The following TECRL variants were observed in gnomAD, a reference collection of about 807,000 sequenced individuals.
TECRL encodes the protein trans-2,3-enoyl-CoA reductase-like.
TECRL carries 63 observed loss-of-function variants against 52.8 expected under a neutral mutation model. That is an observed-to-expected ratio of 1.19 (90% confidence interval 0.97 to 1.47). The LOEUF (loss-of-function observed/expected upper bound fraction) is 1.47, where lower values mean the gene tolerates loss of function less well. Among genes scored for constraint, TECRL ranks in the 40% most tolerant of loss-of-function variants. TECRL has a pLI of 0.00. For missense variants in TECRL, 482 were observed against 429.6 expected (o/e 1.12, Z -1.08); for synonymous variants, 164 against 141.9 (o/e 1.16, Z -1.10).
chr4:64,356,351 T>C (rs985509982), intron 2 of TECRL, among the ~76,000 whole-genome samples: 3 of 151,944 alleles, frequency 2.0e-5, no homozygotes, highest in Non-Finnish European at 2.9e-5. Flanking sequence ...GCAGTTGAGA[T>C]AGAGGAAGGC....
Position 64,344,131 on chromosome 4 carries a change from T to C in TECRL, c.287-15575A>G, listed in dbSNP as rs904025490. Among the ~76,000 whole-genome samples, 7 of 151,912 alleles carry C rather than the reference T, an allele frequency of 4.6e-5. No individual in the cohort carries two copies. The South Asian group carries it at 1.5e-3, about 32-fold the overall frequency. ...TGTCAGCATTTAGAAGAGGAAGTAATAGGACAAAATCATAGGAAAAAACTC... is the reference window on the plus strand; with the variant it reads ...TGTCAGCATTTAGAAGAGGAAGTAACAGGACAAAATCATAGGAAAAAACTC... On this transcript the variant is annotated intron_variant, in intron 2 of 11. Transcript: ENST00000381210.
chr4:64,281,032 A>G lies in TECRL; in HGVS notation c.964+9T>C, dbSNP rs1722797618. 2 of 1,594,562 alleles carry G rather than the reference A, an allele frequency of 1.3e-6. No homozygotes were observed. Among genetic ancestry groups the G allele is most frequent in the South Asian group, 2.3e-5 (2 of 88,790 alleles). ...ATTTTGATTAATTATCAGTATATCT[A>G]GGTCTTACCTGGCAGTGTTTGTGTC... On this transcript the variant is annotated intron_variant, in intron 11 of 11. Coordinates refer to ENST00000381210, the MANE Select transcript of TECRL (RefSeq NM_001010874.5).
chr4:64,293,861 A>G (rs1163139113), intron 8 of TECRL, among the ~76,000 whole-genome samples: 1 of 151,692 alleles, frequency 6.6e-6, no homozygotes, highest in Non-Finnish European at 1.5e-5. Context: ...TGATCTCATA[A>G]TATTTTCATA....
chr4:64,379,153 A>G (rs1249649941), intron 1 of TECRL, among the ~76,000 whole-genome samples: 2 of 151,930 alleles, frequency 1.3e-5, no homozygotes, highest in African/African-American at 2.4e-5. Context: ...TTATATGAAA[A>G]ATTTTATTTC....
At chr4:64,336,693 TTCTGG>T (rs1352034226) in intron 2 of TECRL, among the ~76,000 whole-genome samples, 1 of 152,204 alleles carries the variant, frequency 6.6e-6, no homozygotes, top group African/African-American at 2.4e-5. Flanking sequence ...GTCCCAGAGA[TTCTGG>T]TATGTTGTGT....
At chr4:64,313,166 G>A (rs1717181987) in intron 5 of TECRL, among the ~76,000 whole-genome samples, 1 of 152,116 alleles carries the variant, frequency 6.6e-6, no homozygotes, top group African/African-American at 2.4e-5. Flanking sequence ...TTAAAGGTAG[G>A]CAAAACTTGA....
chr4:64,281,370 A>AT, intron 10 of TECRL, 104 bp downstream of exon 10: 1 of 717,368 alleles, frequency 1.4e-6, no homozygotes, highest in Non-Finnish European at 2.3e-6. Context: ...AGACCTCTAT[A>AT]TTTTTCCTGT....
In TECRL at chr4:64,402,794, T is replaced by C. The variant is rs576437761; in HGVS notation, c.234+6324A>G. 3.9e-5 allele frequency among the ~76,000 whole-genome samples: 6 copies of C among 152,156 alleles called. No individual in the cohort carries two copies. In the East Asian group the frequency reaches 9.7e-4, roughly 24 times the overall value. The stretch of plus-strand genomic sequence containing the variant: ...ATAAAGTTGAAAAATGAAGGGTAAG[T>C]CTGTAAAAAGATCTGCTACCTACAA... On this transcript the variant is annotated intron_variant, in intron 1 of 11. Transcript: ENST00000381210.
intron 1 of TECRL, among the ~76,000 whole-genome samples, chr4:64,402,706 G>A (rs2109784948): frequency 6.6e-6 from 1 of 152,216 alleles, no homozygotes; most frequent in African/African-American, 2.4e-5. Context: ...GTTGACACAT[G>A]TAGTAATAGA....
At chr4:64,324,084 GACAAAGATATA>G (rs1718087705) in intron 3 of TECRL, among the ~76,000 whole-genome samples, 1 of 152,000 alleles carries the variant, frequency 6.6e-6, no homozygotes, top group African/African-American at 2.4e-5. Context: ...GACATAGTAA[GACAAAGATATA>G]ACAAAGGTTA....
chr4:64,308,550 A>G (rs1724484436), intron 6 of TECRL, among the ~76,000 whole-genome samples: 1 of 152,120 alleles, frequency 6.6e-6, no homozygotes, highest in South Asian at 2.1e-4. Flanking sequence ...AAAGGCCCAG[A>G]ATTTATCCGA....
intron 2 of TECRL, among the ~76,000 whole-genome samples, chr4:64,355,711 CG>C (rs1336046826): frequency 6.8e-6 from 1 of 146,514 alleles, no homozygotes; most frequent in Non-Finnish European, 1.5e-5. Context: ...CTGAGAATGG[CG>C]TGAAGCTGGG....
chr4:64,351,520 ACCTCAGCCTCCC>A (rs67598441), intron 2 of TECRL, among the ~76,000 whole-genome samples: 101,970 of 151,760 alleles, frequency 0.67, 35,381 homozygotes, highest in Non-Finnish European at 0.76. Context: ...TGATCCTCCC[ACCTCAGCCTCCC>A]AAAGTTCTGG....
At chr4:64,329,951 T>C (rs1325812125) in intron 2 of TECRL, among the ~76,000 whole-genome samples, 2 of 151,802 alleles carry the variant, frequency 1.3e-5, no homozygotes, top group Admixed American at 1.3e-4. Flanking sequence ...CTGAGGGTTC[T>C]ACTTTACTAT....
At chr4:64,318,602 T>C (rs1043283650) in intron 4 of TECRL, among the ~76,000 whole-genome samples, 2 of 151,988 alleles carry the variant, frequency 1.3e-5, no homozygotes, top group South Asian at 2.1e-4. Flanking sequence ...AAAGACACAT[T>C]ACTTTCAAAG....
intron 2 of TECRL, among the ~76,000 whole-genome samples, chr4:64,352,007 G>C (rs555012089): frequency 4.6e-5 from 7 of 150,772 alleles, no homozygotes; most frequent in Non-Finnish European, 8.9e-5. Flanking sequence ...GCCCTGAAAA[G>C]AAAAATTGAA....
intron 2 of TECRL, among the ~76,000 whole-genome samples, chr4:64,355,658 C>A (rs1157634895): frequency 3.3e-5 from 5 of 151,416 alleles, no homozygotes; most frequent in Non-Finnish European, 7.4e-5. Context: ...AAAAATTAGC[C>A]GGGCATGGTG....
At chr4:64,276,478 T>C (rs1336167483), downstream of TECRL, 1 of 151,886 alleles carries the variant, frequency 6.6e-6, no homozygotes, top group African/African-American at 2.4e-5. Context: ...TTTTCATTAA[T>C]GTTTTTCCTA....
chr4:64,399,105 T>C (rs924700214), intron 1 of TECRL, among the ~76,000 whole-genome samples: 4 of 151,738 alleles, frequency 2.6e-5, no homozygotes, highest in Non-Finnish European at 4.4e-5. Flanking sequence ...TTTTAGTTTC[T>C]GTCTTCAGTG....
Sources: gnomAD v4.1 joint callset for allele counts (sites outside exome capture counted in the v4.1 genomes callset) on GRCh38, gnomAD v4.1.1 for gene constraint, MANE v1.5 for transcripts, NCBI Gene and HGNC (gene_info 2026-07-23, HGNC 2026-07-21) for gene names.